EYS: variants seen among roughly 807,000 people sequenced by gnomAD.
EYS encodes the protein EGF-like photoreceptor maintenance factor, also known as protein eyes shut homolog.
Under a neutral mutation model 282.1 loss-of-function variants are expected in EYS, and 250 were observed. That is an observed-to-expected ratio of 0.89 (90% confidence interval 0.80 to 0.98). The LOEUF (loss-of-function observed/expected upper bound fraction) is 0.98. Ranked by LOEUF, EYS falls within the 50% of genes least tolerant of loss-of-function variation. The pLI, the probability that EYS is intolerant of heterozygous loss-of-function variation, is 0.00. For synonymous variants in EYS, 1,355 were observed against 1,282.9 expected, an observed-to-expected ratio of 1.06 and a Z score of -1.20; for missense variants, 4,016 against 3,709.0, an observed-to-expected ratio of 1.08 and a Z score of -2.15.
chr6:64,568,530 AG>A (rs1562066576), intron 26 of EYS, among the ~76,000 whole-genome samples: 1 of 152,164 alleles, frequency 6.6e-6, no homozygotes, highest in African/African-American at 2.4e-5. Context: ...AGAGCACTTA[AG>A]GGAAGGGGCA....
chr6:64,185,511 ATACTT>A (rs1230635668), intron 31 of EYS, among the ~76,000 whole-genome samples: 3 of 152,190 alleles, frequency 2.0e-5, no homozygotes, highest in Non-Finnish European at 2.9e-5. Flanking sequence ...CAAATTAATT[ATACTT>A]TATTTTAGCT....
At chr6:65,176,118 G>A (rs1001471351) in intron 12 of EYS, among the ~76,000 whole-genome samples, 2 of 151,354 alleles carry the variant, frequency 1.3e-5, no homozygotes, top group African/African-American at 2.4e-5. Flanking sequence ...TATTTTCTTA[G>A]GACATTTTAA....
chr6:64,847,550 A>G (rs956176589), intron 19 of EYS, among the ~76,000 whole-genome samples: 16 of 151,858 alleles, frequency 1.1e-4, no homozygotes, highest in Non-Finnish European at 2.1e-4. Flanking sequence ...GCTATATCCA[A>G]TTTTCCTAAA....
At chr6:64,727,557 C>G (rs1316831114) in intron 22 of EYS, among the ~76,000 whole-genome samples, 2 of 151,944 alleles carry the variant, frequency 1.3e-5, no homozygotes, top group African/African-American at 4.8e-5. Context: ...AAGTAGTAAA[C>G]TATATAATTA....
intron 29 of EYS, among the ~76,000 whole-genome samples, chr6:64,317,604 T>C (rs879803055): frequency 4.6e-5 from 7 of 152,160 alleles, no homozygotes; most frequent in Non-Finnish European, 8.8e-5. Context: ...GTTCAACCAT[T>C]GTGGAAGACA....
chr6:64,239,222 A>C (rs953424986), intron 30 of EYS, among the ~76,000 whole-genome samples: 7 of 152,168 alleles, frequency 4.6e-5, no homozygotes, highest in African/African-American at 1.4e-4. Context: ...ATACATGTGC[A>C]TGTGTCTTTA....
intron 35 of EYS, among the ~76,000 whole-genome samples, chr6:63,923,329 C>T (rs1764624500): frequency 6.6e-6 from 1 of 151,946 alleles, no homozygotes; most frequent in African/African-American, 2.4e-5. Context: ...GCTATACTAC[C>T]CACCATACAC....
intron 29 of EYS, among the ~76,000 whole-genome samples, chr6:64,378,130 A>T (rs1250224736): frequency 2.0e-5 from 3 of 146,762 alleles, no homozygotes; most frequent in Non-Finnish European, 4.5e-5. Context: ...AATAATAAAG[A>T]TTAATGGATA....
At chr6:64,452,217 GA>G (rs1451110935) in intron 26 of EYS, among the ~76,000 whole-genome samples, 4 of 151,824 alleles carry the variant, frequency 2.6e-5, no homozygotes, top group East Asian at 1.9e-4. Context: ...ACCAATAACA[GA>G]CAAACAGAGA....
chr6:65,396,747 T>C (rs1766292415), intron 7 of EYS, among the ~76,000 whole-genome samples: 1 of 152,082 alleles, frequency 6.6e-6, no homozygotes, highest in Non-Finnish European at 1.5e-5. Context: ...CTTGGATTAC[T>C]ATTTCATTAG....
chr6:64,583,794 TC>T (rs1162432470), intron 26 of EYS, among the ~76,000 whole-genome samples: 1 of 150,564 alleles, frequency 6.6e-6, no homozygotes. Context: ...AGATTCTGCC[TC>T]AAAAAAAAAA....
At chr6:63,781,196 T>G (rs1292132874) in intron 39 of EYS, among the ~76,000 whole-genome samples, 1 of 152,242 alleles carries the variant, frequency 6.6e-6, no homozygotes, top group Non-Finnish European at 1.5e-5. Flanking sequence ...GCCTCCAGGT[T>G]TGTCCTTTTT....
intron 2 of EYS, among the ~76,000 whole-genome samples, chr6:65,560,000 T>C (rs1397690704): frequency 6.6e-6 from 1 of 150,550 alleles, no homozygotes; most frequent in Non-Finnish European, 1.5e-5. Context: ...TTTCAAAGGA[T>C]ATTAAAGAAT....
At chr6:64,891,914 T>G (rs1184465682) in intron 18 of EYS, among the ~76,000 whole-genome samples, 2 of 151,984 alleles carry the variant, frequency 1.3e-5, no homozygotes, top group African/African-American at 4.8e-5. Context: ...ACTTCAAAAG[T>G]TTTAGAATTA....
intron 2 of EYS, among the ~76,000 whole-genome samples, chr6:65,625,701 T>A (rs576846197): frequency 3.3e-5 from 5 of 152,228 alleles, no homozygotes; most frequent in Non-Finnish European, 7.3e-5. Flanking sequence ...TTAAACACAA[T>A]TGCTTATATG....
intron 35 of EYS, among the ~76,000 whole-genome samples, chr6:63,937,046 C>A (rs1188006099): frequency 6.6e-6 from 1 of 152,130 alleles, no homozygotes; most frequent in Non-Finnish European, 1.5e-5. Flanking sequence ...GAGAGAGAAA[C>A]TCAATCCAGA....
At chr6:65,198,501 T>C (rs1253112960) in intron 12 of EYS, among the ~76,000 whole-genome samples, 1 of 150,966 alleles carries the variant, frequency 6.6e-6, no homozygotes, top group Non-Finnish European at 1.5e-5. Flanking sequence ...GCAGCAGGGA[T>C]TTTTTTTTAC....
At chr6:65,671,107 C>T (rs1768377479) in intron 1 of EYS, among the ~76,000 whole-genome samples, 1 of 152,066 alleles carries the variant, frequency 6.6e-6, no homozygotes, top group African/African-American at 2.4e-5. Flanking sequence ...TAATTTTATG[C>T]ATCCACTTTC....
intron 13 of EYS, among the ~76,000 whole-genome samples, chr6:65,056,603 T>C (rs571493903): frequency 6.6e-6 from 1 of 151,924 alleles, no homozygotes; most frequent in Non-Finnish European, 1.5e-5. Context: ...AAATAAAAAA[T>C]GAAGTCTAAT....
Sources: allele counts gnomAD v4.1 joint callset (sites outside exome capture counted in the v4.1 genomes callset), GRCh38; gene constraint gnomAD v4.1.1; transcripts MANE v1.5; gene names NCBI Gene and HGNC (gene_info 2026-07-23, HGNC 2026-07-21).